Variants in SLC9A8 observed in about 807,000 individuals in gnomAD.
The protein encoded by SLC9A8 is sodium/hydrogen exchanger 8.
SLC9A8 carries 48 observed loss-of-function variants against 66.6 expected under a neutral mutation model. That is an observed-to-expected ratio of 0.72 (90% CI 0.57 to 0.92). The LOEUF (loss-of-function observed/expected upper bound fraction) is 0.92, where lower values mean the gene tolerates loss of function less well. SLC9A8 is among the 40% of genes least tolerant of loss of function. The pLI is 0.00. For missense variants in SLC9A8, 599 were observed against 747.3 expected, an observed-to-expected ratio of 0.80 and a Z score of 2.31; for synonymous variants, 274 against 282.6, an observed-to-expected ratio of 0.97 and a Z score of 0.31.
Position 49,877,983 on chromosome 20 carries a change from A to G in SLC9A8, c.1078A>G (p.Thr360Ala). 1 of 1,592,666 alleles carries G rather than the reference A, an allele frequency of 6.3e-7. No homozygotes were observed. The highest frequency in any genetic ancestry group is 1.2e-5 in the South Asian group (1 of 85,670). The change falls in exon 12 of 16, where the codon ACA becomes GCA. Residue 360 changes from threonine (T) to alanine (A), a missense_variant and splice_region_variant. By Grantham distance (58) the Thr-to-Ala change is moderately conservative. Transcript: ENST00000361573. ...ATCCATTCTTTGGTTTGTTTCAGAA[A>G]CATGTGTGTTTGCATTTCTTGGCCT... The part of the protein sequence containing the change: ...TLRTVAFLCE[T>A]CVFAFLGLSI...
At chr20:49,884,781 C>G (rs1222762634) in intron 14 of SLC9A8, among the ~76,000 whole-genome samples, 2 of 152,114 alleles carry the variant, frequency 1.3e-5, no homozygotes. Context: ...CTTCTTCCTA[C>G]AAGCCACCGC....
intron 12 of SLC9A8, among the ~76,000 whole-genome samples, chr20:49,879,023 C>CA (rs199708060): frequency 0.026 from 3,767 of 143,826 alleles, 54 homozygotes; most frequent in East Asian, 0.036. Flanking sequence ...AAGTCCATCT[C>CA]AAAAAAAAAA....
In SLC9A8 at chr20:49,887,960, A is replaced by C. The variant is rs753816467; in HGVS notation, c.*24A>C. Reference sequence around the variant, plus strand: ...GACGCCAGGTGCCAAGGCTTCAGGCAGGCAGGCCCAGGATGGGCGTTTGCT... The same window carrying C: ...GACGCCAGGTGCCAAGGCTTCAGGCCGGCAGGCCCAGGATGGGCGTTTGCT... On this transcript the variant is annotated 3_prime_UTR_variant, in exon 16 of 16. Transcript: ENST00000361573. The C allele has an allele frequency of 6.3e-7, 1 of 1,583,066 alleles. No individual in the cohort carries two copies. The highest frequency in any genetic ancestry group is 1.1e-5 in the South Asian group (1 of 90,336).
At position 49,880,937 on chromosome 20, in the gene SLC9A8, T is replaced by C. The variant is rs915202877; in HGVS notation, c.1172T>C (p.Phe391Ser). 5 of 1,612,388 alleles carry C rather than the reference T, an allele frequency of 3.1e-6. No individual in the cohort carries two copies. The highest frequency in any genetic ancestry group is 4.2e-6 in the Non-Finnish European group (5 of 1,178,520). ...FVIWCIVLVLFGRAVNIFPLS... is the reference protein window; with the variant it reads ...FVIWCIVLVLSGRAVNIFPLS... ...TGCTATCAACAGGTGCTTGTACTAT[T>C]TGGCAGAGCGGTAAACATTTTCCCT... The change falls in exon 13 of 16, where the codon TTT (phenylalanine) becomes TCT (serine). Residue 391 changes from phenylalanine to serine, a missense_variant. Transcript: ENST00000361573.
At chr20:49,857,726 C>A (rs2088558443) in intron 8 of SLC9A8, among the ~76,000 whole-genome samples, 1 of 152,100 alleles carries the variant, frequency 6.6e-6, no homozygotes, top group Non-Finnish European at 1.5e-5. Context: ...TTAAAAAAAA[C>A]AAACAAACAA....
At chr20:49,817,039 C>A (rs985897798) in intron 2 of SLC9A8, among the ~76,000 whole-genome samples, 1 of 146,342 alleles carries the variant, frequency 6.8e-6, no homozygotes, top group Non-Finnish European at 1.5e-5. Flanking sequence ...AGTCCAAATT[C>A]TTGTTTGGCC....
chr20:49,843,149 G>T (rs986966838), intron 4 of SLC9A8, among the ~76,000 whole-genome samples: 5 of 151,958 alleles, frequency 3.3e-5, no homozygotes, highest in Admixed American at 6.6e-5. Context: ...TGGGGTTGGG[G>T]GACACTATAT....
At chr20:49,876,685 A>G (rs1444332884) in intron 11 of SLC9A8, among the ~76,000 whole-genome samples, 1 of 152,230 alleles carries the variant, frequency 6.6e-6, no homozygotes, top group Non-Finnish European at 1.5e-5. Context: ...CTGCCTGTTT[A>G]CTGAACACCT....
At chr20:49,862,337 C>T (rs1210774352) in intron 8 of SLC9A8, among the ~76,000 whole-genome samples, 1 of 152,136 alleles carries the variant, frequency 6.6e-6, no homozygotes, top group Non-Finnish European at 1.5e-5. Flanking sequence ...TCTTGGCCCA[C>T]TGCAACCTCT....
intron 7 of SLC9A8, among the ~76,000 whole-genome samples, chr20:49,851,885 A>G (rs1351835512): frequency 6.6e-6 from 1 of 152,226 alleles, no homozygotes; most frequent in Non-Finnish European, 1.5e-5. Flanking sequence ...ACAGTATTCA[A>G]ACCTTCCACT....
At chr20:49,840,842 G>A (rs1200039636) in intron 4 of SLC9A8, among the ~76,000 whole-genome samples, 5 of 152,080 alleles carry the variant, frequency 3.3e-5, no homozygotes, top group Non-Finnish European at 7.4e-5. Context: ...AAGGCTGGGC[G>A]TTGGCGGCTC....
chr20:49,874,657 T>G (rs1412935579), intron 10 of SLC9A8, 48 bp from the exon 11 acceptor site: 1 of 1,165,472 alleles, frequency 8.6e-7, no homozygotes, highest in African/African-American at 1.5e-5. Flanking sequence ...GAGATCTGAG[T>G]TGGGGATCAC....
intron 12 of SLC9A8, among the ~76,000 whole-genome samples, chr20:49,879,414 A>C (rs1370912422): frequency 1.3e-5 from 2 of 152,240 alleles, no homozygotes; most frequent in African/African-American, 2.4e-5. Context: ...CCTTGTCTAT[A>C]AACTGGAGAC....
chr20:49,869,232 C>G (rs2089094518), intron 10 of SLC9A8, among the ~76,000 whole-genome samples: 1 of 151,726 alleles, frequency 6.6e-6, no homozygotes, highest in Admixed American at 6.6e-5. Flanking sequence ...TTCTTTCTTT[C>G]TTTTTGAGGC....
intron 13 of SLC9A8, among the ~76,000 whole-genome samples, chr20:49,882,675 A>C (rs1243423508): frequency 6.6e-6 from 1 of 152,096 alleles, no homozygotes; most frequent in East Asian, 1.9e-4. Context: ...TGTCATCCCT[A>C]TGCCTTTGCA....
chr20:49,884,131 A>G (rs1312796912), intron 14 of SLC9A8, 65 bp downstream of exon 14: 2 of 1,435,450 alleles, frequency 1.4e-6, no homozygotes, highest in Non-Finnish European at 9.7e-7. Flanking sequence ...GGTGGTCCCC[A>G]CTGTCAGGAA....
intron 3 of SLC9A8, among the ~76,000 whole-genome samples, chr20:49,824,182 C>G (rs900815925): frequency 6.6e-6 from 1 of 152,192 alleles, no homozygotes; most frequent in Non-Finnish European, 1.5e-5. Flanking sequence ...CTTATGACCT[C>G]CAGGTGATGC....
intron 13 of SLC9A8, among the ~76,000 whole-genome samples, chr20:49,883,464 C>T (rs1771986498): frequency 6.6e-6 from 1 of 152,148 alleles, no homozygotes; most frequent in South Asian, 2.1e-4. Context: ...TGTGAAGATC[C>T]AGTGATGCTC....
intron 8 of SLC9A8, among the ~76,000 whole-genome samples, 158 bp downstream of exon 8, chr20:49,855,739 C>G (rs1301120031): frequency 6.6e-6 from 1 of 152,162 alleles, no homozygotes; most frequent in Non-Finnish European, 1.5e-5. Context: ...TCCTGACAAG[C>G]CTTGATGTGC....
Sources: allele counts gnomAD v4.1 joint callset (sites outside exome capture counted in the v4.1 genomes callset), GRCh38; gene constraint gnomAD v4.1.1; transcripts MANE v1.5; gene names NCBI Gene and HGNC (gene_info 2026-07-23, HGNC 2026-07-21).